The following ABLIM1 variants were observed in gnomAD, a reference collection of about 807,000 sequenced individuals.
ABLIM1 encodes actin binding LIM protein 1.
Under a neutral mutation model 107.0 loss-of-function variants are expected in ABLIM1, and 40 were observed. That is an observed-to-expected ratio of 0.37 (90% CI 0.29 to 0.49). ABLIM1 has a LOEUF of 0.49. Among genes scored for constraint, ABLIM1 ranks in the 20% least tolerant of loss-of-function variants. The pLI, the probability that ABLIM1 is intolerant of heterozygous loss-of-function variation, is 0.97. For missense variants in ABLIM1, 857 were observed against 1,008.5 expected (o/e 0.85, Z 2.04); for synonymous variants, 357 against 357.3 (o/e 1.00, Z 0.01).
chr10:114,616,903 T>G (rs1173400510), intron 1 of ABLIM1, among the ~76,000 whole-genome samples: 1 of 152,252 alleles, frequency 6.6e-6, no homozygotes, highest in Admixed American at 6.5e-5. Context: ...GTACTATTAT[T>G]GTCCTTATTT....
chr10:114,538,804 C>T (rs2137240755), intron 6 of ABLIM1, among the ~76,000 whole-genome samples: 1 of 152,342 alleles, frequency 6.6e-6, no homozygotes, highest in African/African-American at 2.4e-5. Flanking sequence ...GGCCGAGCGC[C>T]TTTGTCCTGA....
At chr10:114,722,910 T>G (rs2081880876) in intron 1 of ABLIM1, among the ~76,000 whole-genome samples, 1 of 152,136 alleles carries the variant, frequency 6.6e-6, no homozygotes, top group Non-Finnish European at 1.5e-5. Flanking sequence ...TTAACCCAGC[T>G]CAAGCTGAGC....
chr10:114,772,933 T>C (rs968987186), upstream of ABLIM1, among the ~76,000 whole-genome samples: 3 of 152,018 alleles, frequency 2.0e-5, no homozygotes, highest in South Asian at 2.1e-4. Context: ...CTATCAACTA[T>C]AGAAATTTTA....
chr10:114,568,485 G>A (rs1397415838), intron 4 of ABLIM1, among the ~76,000 whole-genome samples: 5 of 152,140 alleles, frequency 3.3e-5, no homozygotes, highest in South Asian at 2.1e-4. Context: ...GAAGAGTCAC[G>A]AATAGCAAAC....
At chr10:114,516,984 T>C (rs1377269977) in intron 6 of ABLIM1, among the ~76,000 whole-genome samples, 1 of 152,186 alleles carries the variant, frequency 6.6e-6, no homozygotes, top group Admixed American at 6.5e-5. Context: ...TGCCATTCCT[T>C]GGGACTCCGT....
chr10:114,589,886 C>A lies in ABLIM1; in HGVS notation c.379+11941G>T, dbSNP rs150816819. Among the ~76,000 whole-genome samples, 1,198 of 151,852 alleles carry A rather than the reference C, an allele frequency of 7.9e-3. 22 individuals carry two copies. Among genetic ancestry groups the A allele is most frequent in the African/African-American group, 0.028 (1,141 of 41,374 alleles). On this transcript the variant is annotated intron_variant, in intron 2 of 22. Transcript: ENST00000533213. ...TCTATGTGTACAGTGTAGATAAAGT[C>A]TACAGTAGTGTACAGTAATGTCCTA... is the stretch of plus-strand genomic sequence containing the variant.
At chr10:114,504,733 C>T (rs147798837) in intron 6 of ABLIM1, among the ~76,000 whole-genome samples, 149 of 152,256 alleles carry the variant, frequency 9.8e-4, no homozygotes, top group African/African-American at 3.0e-3. Flanking sequence ...TTAGGCTGGA[C>T]TGAACTTTCA....
At chr10:114,635,773 T>G (rs2078450312) in intron 1 of ABLIM1, among the ~76,000 whole-genome samples, 1 of 152,188 alleles carries the variant, frequency 6.6e-6, no homozygotes, top group Non-Finnish European at 1.5e-5. Context: ...CTGCCTGCCT[T>G]GGCCTCTCAA....
chr10:114,444,801 T>C (rs927154752), intron 16 of ABLIM1, among the ~76,000 whole-genome samples: 1 of 152,186 alleles, frequency 6.6e-6, no homozygotes, highest in African/African-American at 2.4e-5. Flanking sequence ...CTGCAGGCCC[T>C]TGCTACAGGA....
intron 7 of ABLIM1, among the ~76,000 whole-genome samples, chr10:114,491,006 G>GTA (rs759409911): frequency 7.7e-3 from 458 of 59,210 alleles, no homozygotes; most frequent in Middle Eastern, 0.032. Context: ...GTGTGTGTGT[G>GTA]TGTGTGTATA....
chr10:114,471,671 A>C (rs948776376), intron 10 of ABLIM1, among the ~76,000 whole-genome samples: 6 of 152,100 alleles, frequency 3.9e-5, no homozygotes, highest in Non-Finnish European at 8.8e-5. Flanking sequence ...CAATATATAT[A>C]AAATAAAAAA....
Position 114,762,260 on chromosome 10 carries a change from C to T in ABLIM1, c.-213+5801G>A, listed in dbSNP as rs904053365. Among the ~76,000 whole-genome samples the T allele has an allele frequency of 2.6e-5, 4 of 152,180 alleles. No individual in the cohort carries two copies. The South Asian group carries it at 6.2e-4, about 24-fold the overall frequency. On this transcript the variant is annotated intron_variant, in intron 1 of 15. Transcript: ENST00000651092. ...GTGTTGGCCAGGATGGTCTCAATCT[C>T]CTGACCTTGTGATCCACCTGCCTCA...
intron 1 of ABLIM1, among the ~76,000 whole-genome samples, chr10:114,757,615 C>G (rs1023174785): frequency 1.3e-5 from 2 of 152,154 alleles, no homozygotes; most frequent in Admixed American, 6.5e-5. Context: ...TTTCCAGAAT[C>G]CAATAATTTC....
At chr10:114,622,260 T>TTC (rs1555207710) in intron 1 of ABLIM1, among the ~76,000 whole-genome samples, 1 of 151,292 alleles carries the variant, frequency 6.6e-6, no homozygotes, top group East Asian at 1.9e-4. Flanking sequence ...TTTTTTTTTT[T>TTC]TTTTGAGACA....
intron 8 of ABLIM1, among the ~76,000 whole-genome samples, chr10:114,487,307 T>C (rs2058331249): frequency 6.6e-6 from 1 of 152,226 alleles, no homozygotes; most frequent in Non-Finnish European, 1.5e-5. Flanking sequence ...AGTCTGATTA[T>C]TGCACTGAAA....
chr10:114,750,243 C>T (rs2082481371), intron 1 of ABLIM1, among the ~76,000 whole-genome samples: 1 of 152,112 alleles, frequency 6.6e-6, no homozygotes, highest in African/African-American at 2.4e-5. Context: ...ATATTGTTCC[C>T]TAAATAAAAT....
chr10:114,770,819 T>C (rs1275022029), upstream of ABLIM1, among the ~76,000 whole-genome samples: 1 of 152,142 alleles, frequency 6.6e-6, no homozygotes, highest in Non-Finnish European at 1.5e-5. Flanking sequence ...CAGAACTGTG[T>C]GCCTTCTTTT....
At chr10:114,735,148 G>A (rs2082153041) in intron 1 of ABLIM1, among the ~76,000 whole-genome samples, 1 of 152,134 alleles carries the variant, frequency 6.6e-6, no homozygotes, top group African/African-American at 2.4e-5. Flanking sequence ...CCCCAGTTGA[G>A]TAGGCTAGCA....
exon 1 of ABLIM1, chr10:114,684,514 C>T (rs1253407656): frequency 2.1e-6 from 3 of 1,418,664 alleles, no homozygotes; most frequent in Non-Finnish European, 2.8e-6. Flanking sequence ...GGGTGTGCCA[C>T]AGCCAGCGCA....
Sources: allele counts gnomAD v4.1 joint callset (sites outside exome capture counted in the v4.1 genomes callset), GRCh38; gene constraint gnomAD v4.1.1; transcripts MANE v1.5; gene names NCBI Gene and HGNC (gene_info 2026-07-23, HGNC 2026-07-21).